Variants in XPO6 observed in about 807,000 individuals in gnomAD.
XPO6 encodes the protein exportin-6.
Under a neutral mutation model 130.0 loss-of-function variants are expected in XPO6, and 3 were observed. That is an observed-to-expected ratio of 0.02 (90% confidence interval 0.01 to 0.06). The LOEUF is 0.06. Among genes scored for constraint, XPO6 ranks in the 10% least tolerant of loss-of-function variants. The probability of loss-of-function intolerance (pLI) is 1.00; values close to 1 mark genes in which losing one functional copy is unlikely to be tolerated. For synonymous variants in XPO6, 524 were observed against 548.9 expected (o/e 0.95, Z 0.63); for missense variants, 970 against 1,393.0 (o/e 0.70, Z 4.83).
At chr16:28,158,174 T>C (rs1260889110) in intron 6 of XPO6, among the ~76,000 whole-genome samples, 1 of 152,202 alleles carries the variant, frequency 6.6e-6, no homozygotes, top group Non-Finnish European at 1.5e-5. Flanking sequence ...AACAGTAAGT[T>C]CTTACAAGAA....
intron 2 of XPO6, among the ~76,000 whole-genome samples, chr16:28,178,277 T>G (rs2043562856): frequency 6.6e-6 from 1 of 152,022 alleles, no homozygotes; most frequent in African/African-American, 2.4e-5. Context: ...CATTAAAAAA[T>G]CCATGGAAAG....
intron 9 of XPO6, among the ~76,000 whole-genome samples, chr16:28,136,739 C>T (rs1475004631): frequency 1.3e-5 from 2 of 152,202 alleles, no homozygotes; most frequent in African/African-American, 4.8e-5. Flanking sequence ...ACAATTGCTA[C>T]CACAAGGACC....
At chr16:28,201,417 G>T (rs954384080) in intron 1 of XPO6, among the ~76,000 whole-genome samples, 1 of 152,140 alleles carries the variant, frequency 6.6e-6, no homozygotes, top group Non-Finnish European at 1.5e-5. Flanking sequence ...AGCAGAGTAA[G>T]ACGCACTCTG....
intron 1 of XPO6, among the ~76,000 whole-genome samples, chr16:28,186,189 G>C (rs973919840): frequency 3.9e-5 from 6 of 151,954 alleles, no homozygotes; most frequent in Non-Finnish European, 7.4e-5. Context: ...GCGGACTGTT[G>C]CTTCTCACTC....
intron 13 of XPO6, among the ~76,000 whole-genome samples, chr16:28,122,346 A>T (rs1043737691): frequency 3.9e-5 from 6 of 152,130 alleles, no homozygotes; most frequent in Non-Finnish European, 8.8e-5. Context: ...AGCAGGCAGA[A>T]TGTGGTTGCT....
chr16:28,137,943 C>T (rs991382297), intron 9 of XPO6, among the ~76,000 whole-genome samples: 1 of 152,100 alleles, frequency 6.6e-6, no homozygotes, highest in African/African-American at 2.4e-5. Context: ...TAGCTCCCGA[C>T]AGCTCGTTTC....
chr16:28,099,842 G>C (rs995693371), intron 23 of XPO6, among the ~76,000 whole-genome samples: 2 of 152,110 alleles, frequency 1.3e-5, no homozygotes, highest in Non-Finnish European at 1.5e-5. Flanking sequence ...AATGGAAGGT[G>C]GTGATTCTTT....
chr16:28,187,243 T>G, intron 1 of XPO6, among the ~76,000 whole-genome samples: 1 of 152,292 alleles, frequency 6.6e-6, no homozygotes, highest in South Asian at 2.1e-4. Flanking sequence ...CCATCCTGCA[T>G]TTGCTTCTGA....
At chr16:28,108,022 G>A (rs1229229548) in intron 17 of XPO6, among the ~76,000 whole-genome samples, 1 of 152,104 alleles carries the variant, frequency 6.6e-6, no homozygotes, top group Non-Finnish European at 1.5e-5. Context: ...CAGGTTGGGT[G>A]CCTTGGATTT....
chr16:28,206,804 C>T (rs2044037805), intron 1 of XPO6, among the ~76,000 whole-genome samples: 1 of 152,140 alleles, frequency 6.6e-6, no homozygotes, highest in Admixed American at 6.6e-5. Context: ...CCTGCCATCT[C>T]CCTGCACCCC....
At chr16:28,115,907 A>G (rs1442571607) in intron 15 of XPO6, among the ~76,000 whole-genome samples, 1 of 152,034 alleles carries the variant, frequency 6.6e-6, no homozygotes, top group Non-Finnish European at 1.5e-5. Context: ...TCATGAACCA[A>G]CCTGTGTTAG....
chr16:28,199,109 C>T (rs1174975285), intron 1 of XPO6, among the ~76,000 whole-genome samples: 1 of 152,098 alleles, frequency 6.6e-6, no homozygotes, highest in Non-Finnish European at 1.5e-5. Flanking sequence ...CATTGCACTA[C>T]AGCCTGGGCA....
intron 1 of XPO6, among the ~76,000 whole-genome samples, chr16:28,210,511 G>A (rs2044110465): frequency 1.3e-5 from 2 of 152,198 alleles, no homozygotes. Flanking sequence ...TGTGTATACC[G>A]CAATAGACAG....
Position 28,117,525 on chromosome 16 carries a change from C to T in XPO6, c.1860-63G>A. The T allele has an allele frequency of 2.6e-6, 4 of 1,567,098 alleles. No individual in the cohort carries two copies. In the South Asian group the frequency reaches 4.6e-5, roughly 18 times the overall value. On this transcript the variant is annotated intron_variant, in intron 14 of 23. Coordinates refer to ENST00000304658, the MANE Select transcript of XPO6 (RefSeq NM_015171.4). ...GGTGAAAATATATTAGCGTTCAACT[C>T]ATTTTCATAGGAGGTAAGAATTGCA...
chr16:28,187,508 A>G (rs996656942), intron 1 of XPO6, among the ~76,000 whole-genome samples: 2 of 152,020 alleles, frequency 1.3e-5, no homozygotes, highest in Admixed American at 1.3e-4. Flanking sequence ...TCTTGTGCAC[A>G]AGTGGGGACA....
intron 8 of XPO6, among the ~76,000 whole-genome samples, chr16:28,150,354 T>C (rs947361922): frequency 2.6e-5 from 4 of 151,830 alleles, no homozygotes; most frequent in Non-Finnish European, 1.5e-5. Context: ...TATATAAATA[T>C]AATATATAAA....
chr16:28,118,052 A>G (rs2087115528), intron 14 of XPO6, among the ~76,000 whole-genome samples: 1 of 152,224 alleles, frequency 6.6e-6, no homozygotes, highest in Admixed American at 6.5e-5. Flanking sequence ...TAAACAATCA[A>G]TCTTAAACAA....
chr16:28,176,885 G>A (rs914706340), intron 3 of XPO6, among the ~76,000 whole-genome samples: 1 of 151,994 alleles, frequency 6.6e-6, no homozygotes, highest in Admixed American at 6.6e-5. Context: ...TTTTGTTGTT[G>A]GGGATGATGG....
chr16:28,153,239 T>C (rs2043125420), intron 7 of XPO6: 4 of 992,944 alleles, frequency 4.0e-6, no homozygotes, highest in East Asian at 1.1e-4. Flanking sequence ...CCAGGTAAGA[T>C]GTACTCAGGC....
Sources: gnomAD v4.1 joint callset for allele counts (sites outside exome capture counted in the v4.1 genomes callset) on GRCh38, gnomAD v4.1.1 for gene constraint, MANE v1.5 for transcripts, NCBI Gene and HGNC (gene_info 2026-07-23, HGNC 2026-07-21) for gene names.